ZFHX4: variants seen among roughly 807,000 people sequenced by gnomAD.
ZFHX4 encodes zinc finger homeobox 4.
In ZFHX4, 56 loss-of-function variants were observed where a neutral mutation model predicts 267.6. That is an observed-to-expected ratio of 0.21 (90% CI 0.17 to 0.26). The LOEUF (loss-of-function observed/expected upper bound fraction) is 0.26, where lower values mean the gene tolerates loss of function less well. Ranked by LOEUF, ZFHX4 falls within the 10% of genes least tolerant of loss-of-function variation. The pLI, the probability that ZFHX4 is intolerant of heterozygous loss-of-function variation, is 1.00. For missense variants in ZFHX4, 4,332 were observed against 4,420.0 expected, an observed-to-expected ratio of 0.98 and a Z score of 0.56; for synonymous variants, 1,778 against 1,665.6, an observed-to-expected ratio of 1.07 and a Z score of -1.64.
Position 76,771,433 on chromosome 8 carries a change from T to C in ZFHX4, c.3094-6775T>C, listed in dbSNP as rs935402587. ...TCTTCTCTTTTTTTTCTGTTTTTGC[T>C]TTTTTGTTTTGTTTTGTTTTGAAGA... is the stretch of plus-strand genomic sequence containing the variant. On this transcript the variant is annotated intron_variant, in intron 3 of 10. Transcript: ENST00000651372. Among the ~76,000 whole-genome samples, 4 of 152,144 alleles carry C rather than the reference T, an allele frequency of 2.6e-5. No individual in the cohort carries two copies. The South Asian group carries it at 8.3e-4, about 32-fold the overall frequency.
At chr8:76,793,144 T>C (rs1810883720) in intron 4 of ZFHX4, among the ~76,000 whole-genome samples, 1 of 152,140 alleles carries the variant, frequency 6.6e-6, no homozygotes, top group South Asian at 2.1e-4. Context: ...TTCTGCCTCA[T>C]GTGAAGCATG....
At position 76,777,911 on chromosome 8, in the gene ZFHX4, T is replaced by C. The variant is rs961810709; in HGVS notation, c.3094-297T>C. Among the ~76,000 whole-genome samples the C allele has an allele frequency of 1.6e-4, 24 of 151,272 alleles. 1 individual carries two copies. Among genetic ancestry groups the C allele is most frequent in the African/African-American group, 5.8e-4 (24 of 41,162 alleles). ...TTTTTTTTTTTTCTGAGATAACTAG[T>C]TAACTGTATAAGAAGACTCAATTTT... On this transcript the variant is annotated intron_variant, in intron 3 of 10. Transcript: ENST00000651372.
At chr8:76,829,537 G>A (rs547161962) in intron 4 of ZFHX4, among the ~76,000 whole-genome samples, 3 of 152,228 alleles carry the variant, frequency 2.0e-5, no homozygotes, top group Admixed American at 2.0e-4. Flanking sequence ...CCAGCCAGGC[G>A]CGGTGGTTCA....
chr8:76,690,525 C>T (rs958254250), intron 1 of ZFHX4, among the ~76,000 whole-genome samples: 3 of 151,916 alleles, frequency 2.0e-5, no homozygotes, highest in Admixed American at 1.3e-4. Context: ...AAATACTTTG[C>T]TAATGTGGAT....
At chr8:76,684,834 C>A (rs1807651305) in intron 1 of ZFHX4, among the ~76,000 whole-genome samples, 1 of 152,134 alleles carries the variant, frequency 6.6e-6, no homozygotes, top group South Asian at 2.1e-4. Flanking sequence ...TCTTCATGAG[C>A]AAAGGAAAAC....
rs375248809 is a variant in ZFHX4, at chr8:76,795,416, G to A, written c.3325+16977G>A. ...AGCCACCTGAGTAGCTTGCACCGTA[G>A]GCACACACCACCATGCCTGGCTAAT... On this transcript the variant is annotated intron_variant, in intron 4 of 10. Transcript: ENST00000651372. Among the ~76,000 whole-genome samples the A allele has an allele frequency of 9.9e-5, 15 of 152,102 alleles. 1 individual carries two copies. Among genetic ancestry groups the A allele is most frequent in the African/African-American group, 3.6e-4 (15 of 41,496 alleles).
rs777976456 is a variant in ZFHX4, at chr8:76,851,048, A to T, written c.4127A>T (p.Asp1376Val). 7.4e-6 allele frequency: 12 copies of T among 1,613,874 alleles called. No homozygotes were observed. The African/African-American group carries it at 1.3e-4, about 18-fold the overall frequency. ...KDVKIPDTLQ[D>V]QLNEQQKRQP... ...GTGAAAATCCCCGACACACTGCAAG[A>T]TCAATTAAATGAACAGCAAAAAAGG... Residue 1376 changes from aspartate to valine, a missense_variant, in exon 10 of 11, where the codon GAT becomes GTT. Physicochemically the swap from Asp to Val is radical, Grantham distance 152. This residue lies in a region of ZFHX4 where 1,371 missense variants were observed against 1,423.1 expected (regional missense o/e 0.96). Transcript: ENST00000651372.
rs1440068213 is a variant in ZFHX4, at chr8:76,706,225, A to C, written c.2137A>C (p.Asn713His). The C allele has an allele frequency of 6.2e-7, 1 of 1,614,024 alleles. No homozygotes were observed. Among genetic ancestry groups the C allele is most frequent in the Non-Finnish European group, 8.5e-7 (1 of 1,180,006 alleles). ...TAACTACTCTACCACTACCAAAGGC[A>C]ACCTCAGTATTCATATGCAGTCGGA... ...VCNYSTTTKG[N>H]LSIHMQSDKH... Residue 713 changes from asparagine (N) to histidine (H), a missense_variant, in exon 2 of 11, where the codon AAC becomes CAC. This residue lies in a region of ZFHX4 where 1,195 missense variants were observed against 1,173.6 expected (regional missense o/e 1.02). Transcript: ENST00000651372.
chr8:76,857,637 A>G (rs1812767836), intron 10 of ZFHX4, among the ~76,000 whole-genome samples: 1 of 152,002 alleles, frequency 6.6e-6, no homozygotes, highest in African/African-American at 2.4e-5. Flanking sequence ...ATGGAACTAT[A>G]CATATAAAGA....
In ZFHX4 at chr8:76,696,544, T is replaced by G. The variant is rs544410689; in HGVS notation, c.-46-7499T>G. Among the ~76,000 whole-genome samples the G allele has an allele frequency of 2.4e-3, 370 of 151,136 alleles. 2 individuals are homozygous for G. Among genetic ancestry groups the G allele is most frequent in the Middle Eastern group, 6.8e-3 (2 of 294 alleles). On this transcript the variant is annotated intron_variant, in intron 1 of 10. Transcript: ENST00000651372. ...TGGTTGACGGTTGTTTATAATGAAATCTAATTAAAGTTCATATATTTAAAA... is the reference window on the plus strand; with the variant it reads ...TGGTTGACGGTTGTTTATAATGAAAGCTAATTAAAGTTCATATATTTAAAA...
At chr8:76,701,055 C>T (rs1325338320) in intron 1 of ZFHX4, among the ~76,000 whole-genome samples, 1 of 152,020 alleles carries the variant, frequency 6.6e-6, no homozygotes, top group Non-Finnish European at 1.5e-5. Flanking sequence ...AGAAAGACCT[C>T]GTCTGACATT....
chr8:76,754,510 A>G (rs1809712884), intron 3 of ZFHX4, among the ~76,000 whole-genome samples: 2 of 151,938 alleles, frequency 1.3e-5, no homozygotes, highest in African/African-American at 4.8e-5. Context: ...ACAAAAAACA[A>G]TTGCTTAGTT....
At chr8:76,753,024 A>G (rs1214140522) in intron 3 of ZFHX4, among the ~76,000 whole-genome samples, 2 of 152,204 alleles carry the variant, frequency 1.3e-5, no homozygotes, top group Admixed American at 6.5e-5. Flanking sequence ...ATATGTTCAT[A>G]TATGTGCATT....
intron 4 of ZFHX4, among the ~76,000 whole-genome samples, chr8:76,792,947 G>A (rs1810877264): frequency 6.6e-6 from 1 of 152,166 alleles, no homozygotes; most frequent in African/African-American, 2.4e-5. Flanking sequence ...TCAGAAAGAA[G>A]TCCCTGACCT....
chr8:76,864,664 A>C lies in ZFHX4; in HGVS notation c.*99A>C. 2.5e-6 allele frequency: 2 copies of C among 813,186 alleles called. No homozygotes were observed. Among genetic ancestry groups the C allele is most frequent in the Non-Finnish European group, 3.7e-6 (2 of 540,658 alleles). The allele number at this position is 813,186 out of a possible 1,614,324, so 50.4% of individuals were successfully genotyped here. On this transcript the variant is annotated 3_prime_UTR_variant, in exon 11 of 11. Transcript: ENST00000651372. ...GTTCCAAAGCTTCTCTAACCCAAAA[A>C]TTACAGTACCAAATGATTGACTCAG...
At chr8:76,755,120 T>C (rs993853203) in intron 3 of ZFHX4, among the ~76,000 whole-genome samples, 30 of 152,186 alleles carry the variant, frequency 2.0e-4, no homozygotes, top group Admixed American at 4.6e-4. Context: ...AACTAATAGG[T>C]CAAACTTTAT....
intron 3 of ZFHX4, among the ~76,000 whole-genome samples, chr8:76,768,668 A>G (rs1436520527): frequency 6.6e-6 from 1 of 152,170 alleles, no homozygotes; most frequent in Non-Finnish European, 1.5e-5. Flanking sequence ...AACTCATTAT[A>G]GACTTGGAGG....
At chr8:76,771,049 A>G (rs1810251119) in intron 3 of ZFHX4, among the ~76,000 whole-genome samples, 1 of 152,162 alleles carries the variant, frequency 6.6e-6, no homozygotes. Context: ...AAGCCTAGCC[A>G]TATGGTCATT....
rs751518113 is a variant in ZFHX4 at position 76,854,963 on chromosome 8, G to C, written c.8042G>C (p.Arg2681Pro). The change falls in exon 10 of 11, where the codon CGA becomes CCA. Residue 2681 changes from arginine (R) to proline (P), a missense_variant. Arg to Pro is a moderately radical substitution (Grantham distance 103). Around this residue, in one of 7 missense-constraint regions of ZFHX4, gnomAD observed 1,648 missense variants for 1,625.0 expected, o/e 1.01. Coordinates refer to ENST00000651372, the MANE Select transcript of ZFHX4 (RefSeq NM_024721.5). The part of the protein sequence containing the change: ...AQSHKRCPFC[R>P]ALFKAKSALE... ...TCTCATAAACGGTGTCCGTTTTGCC[G>C]AGCCCTGTTTAAAGCAAAGTCGGCC... 1.2e-6 allele frequency: 2 copies of C among 1,613,930 alleles called. No individual in the cohort carries two copies. The highest frequency in any genetic ancestry group is 8.5e-7 in the Non-Finnish European group (1 of 1,179,872).
Sources: allele counts gnomAD v4.1 joint callset (sites outside exome capture counted in the v4.1 genomes callset), GRCh38; gene constraint gnomAD v4.1.1; regional missense constraint gnomAD v4.1.1; transcripts MANE v1.5; gene names NCBI Gene and HGNC (gene_info 2026-07-23, HGNC 2026-07-21).